Variants in DAGLA observed in about 807,000 individuals in gnomAD.
The protein encoded by DAGLA is diacylglycerol lipase alpha.
In DAGLA, 22 loss-of-function variants were observed where a neutral mutation model predicts 102.6. That is an observed-to-expected ratio of 0.21 (90% CI 0.15 to 0.31). DAGLA has a LOEUF of 0.31. Ranked by LOEUF, DAGLA falls within the 10% of genes least tolerant of loss-of-function variation. The pLI, the probability that DAGLA is intolerant of heterozygous loss-of-function variation, is 1.00. For synonymous variants in DAGLA, 578 were observed against 628.9 expected (o/e 0.92, Z 1.21); for missense variants, 927 against 1,446.6 (o/e 0.64, Z 5.83).
chr11:61,702,732 A>G (rs936144555), intron 1 of DAGLA, among the ~76,000 whole-genome samples: 29 of 152,156 alleles, frequency 1.9e-4, no homozygotes, highest in African/African-American at 6.5e-4. Context: ...CCTCCCTCCC[A>G]CAGGATGCTG....
chr11:61,699,689 G>A (rs1443494249), intron 1 of DAGLA, among the ~76,000 whole-genome samples: 1 of 152,230 alleles, frequency 6.6e-6, no homozygotes, highest in African/African-American at 2.4e-5. Context: ...GCCCCTCCGG[G>A]GAGTACAGTG....
chr11:61,681,544 C>A (rs906134657), intron 1 of DAGLA, among the ~76,000 whole-genome samples: 1 of 152,094 alleles, frequency 6.6e-6, no homozygotes, highest in Non-Finnish European at 1.5e-5. Context: ...TCTGTAGTCA[C>A]GGGGTCCTGC....
intron 6 of DAGLA, among the ~76,000 whole-genome samples, chr11:61,727,629 G>A (rs1012715289): frequency 6.6e-6 from 1 of 152,316 alleles, no homozygotes; most frequent in Admixed American, 6.5e-5. Flanking sequence ...CCCCTTCTAG[G>A]GCACATTGTG....
Position 61,744,938 on chromosome 11 carries a change from C to G in DAGLA, c.*449C>G, listed in dbSNP as rs2065524416. On this transcript the variant is annotated 3_prime_UTR_variant, in exon 20 of 20. Transcript: ENST00000257215. ...TCCAGGCCGGCATCGTCCTGGCCAC[C>G]CCCCAGATCTGGTGCCTGCTGGCCG... The G allele has an allele frequency of 6.0e-6, 1 of 165,488 alleles. No homozygotes were observed. The highest frequency in any genetic ancestry group is 2.4e-5 in the African/African-American group (1 of 41,688). 10.3% of individuals were successfully genotyped at this position (165,488 alleles called of 1,614,324 possible).
chr11:61,694,826 T>C (rs1208749784), intron 1 of DAGLA, among the ~76,000 whole-genome samples: 2 of 152,032 alleles, frequency 1.3e-5, no homozygotes, highest in East Asian at 3.9e-4. Flanking sequence ...GTTGGGTTTC[T>C]GGATCGCTCG....
chr11:61,717,462 C>T (rs1239311588), intron 1 of DAGLA, among the ~76,000 whole-genome samples: 1 of 152,148 alleles, frequency 6.6e-6, no homozygotes, highest in Non-Finnish European at 1.5e-5. Context: ...TCCTTGCACT[C>T]CCTCCGCCTC....
At chr11:61,731,870 C>G (rs2135595121) in intron 9 of DAGLA, among the ~76,000 whole-genome samples, 1 of 152,300 alleles carries the variant, frequency 6.6e-6, no homozygotes, top group East Asian at 1.9e-4. Context: ...CTCTCGGCTC[C>G]CCTCATGTGC....
At chr11:61,685,760 AC>A (rs2064981634) in intron 1 of DAGLA, among the ~76,000 whole-genome samples, 1 of 148,042 alleles carries the variant, frequency 6.8e-6, no homozygotes, top group Admixed American at 6.7e-5. Context: ...GGCCATGGGT[AC>A]CGGTGGGAGT....
At chr11:61,742,791 C>T (rs2065492015) in intron 19 of DAGLA, among the ~76,000 whole-genome samples, 1 of 147,874 alleles carries the variant, frequency 6.8e-6, no homozygotes, top group Admixed American at 6.7e-5. Context: ...TCCCTTCCTC[C>T]TTCCCTCCCT....
chr11:61,743,387 T>G lies in DAGLA; in HGVS notation c.2172-145T>G, dbSNP rs1016089086. On this transcript the variant is annotated intron_variant, in intron 19 of 19. Coordinates refer to ENST00000257215, the MANE Select transcript of DAGLA (RefSeq NM_006133.3). ...CAAAAAAAAAAAAAAAAAAAGAAAA[T>G]AAGCATTCCCTGCTGCACATCATCA... 2.1e-5 allele frequency: 10 copies of G among 470,690 alleles called. No homozygotes were observed. In the South Asian group the frequency reaches 3.8e-4, roughly 18 times the overall value. 29.2% of individuals were successfully genotyped at this position (470,690 alleles called of 1,614,324 possible). A position where few individuals can be genotyped will look rare whatever the true frequency, so the allele number is the denominator to read the frequency against.
chr11:61,736,377 C>G (rs776261612), intron 13 of DAGLA, 27 bp downstream of exon 13: 14 of 1,580,186 alleles, frequency 8.9e-6, no homozygotes, highest in Non-Finnish European at 3.5e-6. Context: ...GGCACCAAGC[C>G]TTTTCACACC....
intron 1 of DAGLA, 88 bp from the exon 2 acceptor site, chr11:61,720,023 CG>C: frequency 1.2e-6 from 1 of 866,308 alleles, no homozygotes; most frequent in Non-Finnish European, 1.8e-6. Context: ...CTGGCCACAC[CG>C]GGGACTGGTC....
intron 18 of DAGLA, among the ~76,000 whole-genome samples, 199 bp from the exon 19 acceptor site, chr11:61,740,963 G>A (rs1407240024): frequency 6.6e-6 from 1 of 152,212 alleles, no homozygotes; most frequent in East Asian, 1.9e-4. Flanking sequence ...AGCACTCGCC[G>A]GGCTGTGGGG....
At chr11:61,707,556 G>T (rs1051310103) in intron 1 of DAGLA, among the ~76,000 whole-genome samples, 2 of 152,278 alleles carry the variant, frequency 1.3e-5, no homozygotes, top group Non-Finnish European at 2.9e-5. Flanking sequence ...TGTAATGGAG[G>T]AGGTGAGGCA....
At chr11:61,699,588 G>T (rs1419340234) in intron 1 of DAGLA, among the ~76,000 whole-genome samples, 3 of 152,254 alleles carry the variant, frequency 2.0e-5, no homozygotes, top group Non-Finnish European at 4.4e-5. Flanking sequence ...GCATGGCCCA[G>T]CAGAGACTCC....
Position 61,740,328 on chromosome 11 carries a change from C to A in DAGLA, c.1854-135C>A, listed in dbSNP as rs2065466472. ...AGCCAGGCCAGGGAACAGAGCCCTG[C>A]TGCCAGGCAGGCCAGGGGCCTCCAA... On this transcript the variant is annotated intron_variant, in intron 17 of 19. Coordinates refer to ENST00000257215, the MANE Select transcript of DAGLA (RefSeq NM_006133.3). 4 of 1,182,116 alleles carry A rather than the reference C, an allele frequency of 3.4e-6. No homozygotes were observed. In the Admixed American group the frequency reaches 9.0e-5, roughly 27 times the overall value. The allele number at this position is 1,182,116 out of a possible 1,614,324, so 73.2% of individuals were successfully genotyped here.
At position 61,744,117 on chromosome 11, in the gene DAGLA, C is replaced by A. The variant is rs2065512836; in HGVS notation, c.2757C>A (p.Ser919Arg). The A allele has an allele frequency of 4.3e-6, 7 of 1,613,040 alleles. No individual in the cohort carries two copies. The highest frequency in any genetic ancestry group is 4.2e-6 in the Non-Finnish European group (5 of 1,179,984). The change falls in exon 20 of 20, where the codon AGC becomes AGA. Residue 919 changes from serine (S) to arginine (R), a missense_variant. Physicochemically the swap from Ser to Arg is moderately radical, Grantham distance 110 (BLOSUM62 -1). Around this residue, in one of 4 missense-constraint regions of DAGLA, gnomAD observed 434 missense variants for 503.3 expected, o/e 0.86. Coordinates refer to ENST00000257215, the MANE Select transcript of DAGLA (RefSeq NM_006133.3). ...TGGAATTCGCCGAGTTCATCGACAG[C>A]CTCTTCAACCTGGACAGCAAGAGCA... Reference protein sequence around the residue: ...QVLEFAEFIDSLFNLDSKSSS... With the variant: ...QVLEFAEFIDRLFNLDSKSSS...
At chr11:61,742,518 G>A in intron 19 of DAGLA, among the ~76,000 whole-genome samples, 1 of 152,276 alleles carries the variant, frequency 6.6e-6, no homozygotes, top group South Asian at 2.1e-4. Context: ...GGTGACTGCT[G>A]CAAGCCACCC....
chr11:61,712,199 G>A (rs1372644728), intron 1 of DAGLA, among the ~76,000 whole-genome samples: 1 of 152,084 alleles, frequency 6.6e-6, no homozygotes, highest in East Asian at 1.9e-4. Context: ...AGAGAACACA[G>A]CAGGTAGACC....
Sources: allele counts gnomAD v4.1 joint callset (sites outside exome capture counted in the v4.1 genomes callset), GRCh38; gene constraint gnomAD v4.1.1; regional missense constraint gnomAD v4.1.1; transcripts MANE v1.5; gene names NCBI Gene and HGNC (gene_info 2026-07-23, HGNC 2026-07-21).